The following TRIM33 variants were observed in gnomAD, a reference collection of about 807,000 sequenced individuals.
TRIM33 encodes tripartite motif containing 33.
Under a neutral mutation model 125.4 loss-of-function variants are expected in TRIM33, and 20 were observed. The observed-to-expected ratio is 0.16, with a 90% CI of 0.11 to 0.23. The LOEUF (loss-of-function observed/expected upper bound fraction) is 0.23, where lower values mean the gene tolerates loss of function less well. Among genes scored for constraint, TRIM33 ranks in the 10% least tolerant of loss-of-function variants. TRIM33 has a pLI of 1.00. For synonymous variants in TRIM33, 564 were observed against 513.9 expected (o/e 1.10, Z -1.32); for missense variants, 920 against 1,411.4 (o/e 0.65, Z 5.58).
Position 114,421,601 on chromosome 1 carries a change from T to G in TRIM33, c.1896A>C (p.Val632=), listed in dbSNP as rs1400765517. 1 of 1,614,014 alleles carries G rather than the reference T, an allele frequency of 6.2e-7. No individual in the cohort carries two copies. Among genetic ancestry groups the G allele is most frequent in the East Asian group, 2.2e-5 (1 of 44,898 alleles). The change falls in exon 11 of 20, where the codon GTA becomes GTC. Residue 632 remains valine (V), a synonymous_variant. Coordinates refer to ENST00000358465, the MANE Select transcript of TRIM33 (RefSeq NM_015906.4). ...SNPGHAGPFP[V]VSVHNTTINP... The stretch of plus-strand genomic sequence containing the variant: ...TGATTGTGGTGTTGTGTACCGATAC[T>G]ACGGGAAAGGGTCCAGCATGCCCTG...
chr1:114,503,458 A>G (rs1032735012), intron 1 of TRIM33, among the ~76,000 whole-genome samples: 1 of 152,258 alleles, frequency 6.6e-6, no homozygotes, highest in African/African-American at 2.4e-5. Context: ...AGTGTGGGTG[A>G]CAAAGCAAGA....
chr1:114,459,509 C>A (rs192858264), intron 4 of TRIM33, among the ~76,000 whole-genome samples: 2 of 152,262 alleles, frequency 1.3e-5, no homozygotes, highest in East Asian at 3.9e-4. Context: ...GTGATATGCA[C>A]CCGTAATCTC....
intron 1 of TRIM33, among the ~76,000 whole-genome samples, chr1:114,478,307 G>A (rs981114058): frequency 6.6e-6 from 1 of 152,178 alleles, no homozygotes; most frequent in Non-Finnish European, 1.5e-5. Context: ...AATCAATTGG[G>A]GAGAGAGGTG....
chr1:114,409,657 T>C (rs1426211028), intron 12 of TRIM33, among the ~76,000 whole-genome samples: 1 of 152,236 alleles, frequency 6.6e-6, no homozygotes, highest in South Asian at 2.1e-4. Context: ...AGAGTACCAA[T>C]AGTATTTGAA....
rs539638608 is a variant in TRIM33, at chr1:114,456,156, T to C, written c.923+6948A>G. On this transcript the variant is annotated intron_variant, in intron 4 of 19. Transcript: ENST00000358465. ...GAATGTACTATTGGGATAGACAGTA[T>C]GTTTGACTGAAAAGTACACCTGTCT... Among the ~76,000 whole-genome samples the C allele has an allele frequency of 7.9e-5, 12 of 152,296 alleles. No individual in the cohort carries two copies. In the East Asian group the frequency reaches 2.3e-3, roughly 29 times the overall value.
rs1653356647 is a variant in TRIM33, at chr1:114,511,189, G to A, written c.-113C>T. 4.1e-6 allele frequency: 4 copies of A among 982,840 alleles called. No individual in the cohort carries two copies. Among genetic ancestry groups the A allele is most frequent in the Non-Finnish European group, 4.9e-6 (4 of 814,954 alleles). 60.9% of individuals were successfully genotyped at this position (982,840 alleles called of 1,614,324 possible). A position where few individuals can be genotyped will look rare whatever the true frequency, so the allele number is the denominator to read the frequency against. ...CAGCAAGAGCGGCAGCCGAGAGCTAGCGAGAGAGCGAACCAACGAGAGCGC... is the reference window on the plus strand; with the variant it reads ...CAGCAAGAGCGGCAGCCGAGAGCTAACGAGAGAGCGAACCAACGAGAGCGC... On this transcript the variant is annotated 5_prime_UTR_variant, in exon 1 of 20. Coordinates refer to ENST00000358465, the MANE Select transcript of TRIM33 (RefSeq NM_015906.4).
chr1:114,492,477 C>G (rs1652130890), intron 1 of TRIM33, among the ~76,000 whole-genome samples: 2 of 152,006 alleles, frequency 1.3e-5, no homozygotes, highest in African/African-American at 4.8e-5. Flanking sequence ...CAACCATCAC[C>G]ATAATTTTCA....
chr1:114,410,286 T>C lies in TRIM33; in HGVS notation c.2092A>G (p.Asn698Asp). ...LEDAGSSSLD[N>D]LLSRYISGSH... Reference sequence around the variant, plus strand: ...CCTGAGATGTATCTACTTAGTAGATTATCTAAACTACTTGAGCCAGCATCT... The same window carrying C: ...CCTGAGATGTATCTACTTAGTAGATCATCTAAACTACTTGAGCCAGCATCT... The change falls in exon 12 of 20, where the codon AAT becomes GAT. Residue 698 changes from asparagine to aspartate, a missense_variant. Asn to Asp is a conservative substitution (Grantham distance 23). This residue lies in a region of TRIM33 where 407 missense variants were observed against 589.7 expected (regional missense o/e 0.69). Coordinates refer to ENST00000358465, the MANE Select transcript of TRIM33 (RefSeq NM_015906.4). The C allele has an allele frequency of 6.2e-7, 1 of 1,613,620 alleles. No homozygotes were observed. Among genetic ancestry groups the C allele is most frequent in the East Asian group, 2.2e-5 (1 of 44,876 alleles).
chr1:114,444,346 G>A (rs1212308174), intron 4 of TRIM33, among the ~76,000 whole-genome samples: 1 of 152,162 alleles, frequency 6.6e-6, no homozygotes, highest in Non-Finnish European at 1.5e-5. Context: ...GACTGCCGTT[G>A]CTATAAAGTT....
At chr1:114,455,710 A>G (rs887197317) in intron 4 of TRIM33, among the ~76,000 whole-genome samples, 5 of 152,236 alleles carry the variant, frequency 3.3e-5, no homozygotes, top group Admixed American at 2.0e-4. Context: ...GGATAAACCA[A>G]TGAGAGCCCC....
At chr1:114,482,047 T>G (rs114968693) in intron 1 of TRIM33, among the ~76,000 whole-genome samples, 1,550 of 152,216 alleles carry the variant, frequency 0.01, 25 homozygotes, top group African/African-American at 0.035. Flanking sequence ...AGGCCATTAG[T>G]CCAACAAAAC....
rs1652186636 is a variant in TRIM33 at position 114,405,660 on chromosome 1, T to C, written c.2518A>G (p.Ile840Val). 6.2e-7 allele frequency: 1 copy of C among 1,614,016 alleles called. No homozygotes were observed. The highest frequency in any genetic ancestry group is 1.3e-5 in the African/African-American group (1 of 74,922). ...ALASLENHVK[I>V]EPADMNESCK... Reference sequence around the variant, plus strand: ...CTTTCATTCATATCTGCAGGTTCAATTTTCACATGGTTTTCCAGGCTTGCC... The same window carrying C: ...CTTTCATTCATATCTGCAGGTTCAACTTTCACATGGTTTTCCAGGCTTGCC... Residue 840 changes from isoleucine (I) to valine (V), a missense_variant, in exon 15 of 20, where the codon ATT becomes GTT. By Grantham distance (29) the Ile-to-Val change is conservative (BLOSUM62 3). This residue lies in a region of TRIM33 where 407 missense variants were observed against 589.7 expected (regional missense o/e 0.69). Transcript: ENST00000358465.
intron 4 of TRIM33, among the ~76,000 whole-genome samples, chr1:114,458,081 A>C (rs1649730367): frequency 6.6e-6 from 1 of 152,206 alleles, no homozygotes; most frequent in Non-Finnish European, 1.5e-5. Flanking sequence ...GGCCAACCTA[A>C]CTATGGGAGG....
At chr1:114,399,034 C>G (rs1651719863) in intron 18 of TRIM33, among the ~76,000 whole-genome samples, 1 of 151,522 alleles carries the variant, frequency 6.6e-6, no homozygotes, top group Non-Finnish European at 1.5e-5. Context: ...GGCTACTATT[C>G]AAGATGGGTC....
At chr1:114,402,147 T>C (rs887030903) in intron 16 of TRIM33, among the ~76,000 whole-genome samples, 1 of 152,268 alleles carries the variant, frequency 6.6e-6, no homozygotes, top group African/African-American at 2.4e-5. Flanking sequence ...ACAGGCCAGA[T>C]TGGTAAAAAT....
intron 1 of TRIM33, among the ~76,000 whole-genome samples, chr1:114,505,953 C>T (rs923213591): frequency 6.6e-6 from 1 of 152,184 alleles, no homozygotes. Context: ...GGACATTAAA[C>T]GTATGTACAT....
chr1:114,417,467 T>C (rs1056881261), intron 11 of TRIM33, among the ~76,000 whole-genome samples: 4 of 152,138 alleles, frequency 2.6e-5, no homozygotes, highest in African/African-American at 9.7e-5. Flanking sequence ...ATACAGTAAG[T>C]GCTTAGTAAA....
chr1:114,424,862 G>C lies in TRIM33; in HGVS notation c.1696-107C>G, dbSNP rs1404077859. On this transcript the variant is annotated intron_variant, in intron 9 of 19. Transcript: ENST00000358465. Reference sequence around the variant, plus strand: ...TTCAGTCAAGATAAAAGGGTATAAAGTAAAAAGTATAAATAATTCTTATCG... The same window carrying C: ...TTCAGTCAAGATAAAAGGGTATAAACTAAAAAGTATAAATAATTCTTATCG... The C allele has an allele frequency of 3.6e-6, 3 of 834,824 alleles. No individual in the cohort carries two copies. The African/African-American group carries it at 5.2e-5, about 15-fold the overall frequency. The allele number at this position is 834,824 out of a possible 1,614,324, so 51.7% of individuals were successfully genotyped here. A position where few individuals can be genotyped will look rare whatever the true frequency, so the allele number is the denominator to read the frequency against.
chr1:114,433,180 C>T (rs754566736), intron 5 of TRIM33, among the ~76,000 whole-genome samples: 34 of 152,108 alleles, frequency 2.2e-4, no homozygotes, highest in Non-Finnish European at 4.3e-4. Context: ...TTACTATGTA[C>T]CAGAAACTAT....
Sources: allele counts gnomAD v4.1 joint callset (sites outside exome capture counted in the v4.1 genomes callset), GRCh38; gene constraint gnomAD v4.1.1; regional missense constraint gnomAD v4.1.1; transcripts MANE v1.5; gene names NCBI Gene and HGNC (gene_info 2026-07-23, HGNC 2026-07-21).